PSMC3IP: variants seen among roughly 807,000 people sequenced by gnomAD.
PSMC3IP encodes the protein PSMC3 interacting protein.
In PSMC3IP, 26 loss-of-function variants were observed where a neutral mutation model predicts 34.9. The observed-to-expected ratio is 0.74, with a 90% CI of 0.55 to 1.03. The LOEUF is 1.03. PSMC3IP is among the 50% of genes least tolerant of loss of function. PSMC3IP has a pLI of 0.00. For synonymous variants in PSMC3IP, 87 were observed against 96.5 expected, an observed-to-expected ratio of 0.90 and a Z score of 0.57; for missense variants, 250 against 263.1, an observed-to-expected ratio of 0.95 and a Z score of 0.34.
At chr17:42,573,731 C>A in intron 4 of PSMC3IP, 108 bp from the exon 5 acceptor site, 1 of 1,536,190 alleles carries the variant, frequency 6.5e-7, no homozygotes, top group Non-Finnish European at 8.9e-7. Flanking sequence ...TCTATCATCT[C>A]ACATGGAAAC....
At position 42,574,165 on chromosome 17, in the gene PSMC3IP, C is replaced by A; in HGVS notation, c.271G>T (p.Gly91Cys). 1 of 1,614,162 alleles carries A rather than the reference C, an allele frequency of 6.2e-7. No homozygotes were observed. Among genetic ancestry groups the A allele is most frequent in the South Asian group, 1.1e-5 (1 of 91,074 alleles). The change falls in exon 4 of 8, where the codon GGC becomes TGC. Residue 91 changes from glycine to cysteine, a missense_variant. Transcript: ENST00000393795. ...TTAGCAGTGAGGGCCACGATTTTGC[C>A]ATCTAGGACTTGAAGGTCAGCATCA... ...VSDADLQVLDGKIVALTAKVQ... is the reference protein window; with the variant it reads ...VSDADLQVLDCKIVALTAKVQ...
In PSMC3IP at chr17:42,573,638, G is replaced by A. The variant is rs2292752; in HGVS notation, c.338-15C>T. ...TTCCTTGAGCTCTGAAACCACATCCGCCTGGGGTCACTTGCTACCCCTGAG... is the reference window on the plus strand; with the variant it reads ...TTCCTTGAGCTCTGAAACCACATCCACCTGGGGTCACTTGCTACCCCTGAG... On this transcript the variant is annotated splice_polypyrimidine_tract_variant and intron_variant, in intron 4 of 7. Coordinates refer to ENST00000393795, the MANE Select transcript of PSMC3IP (RefSeq NM_016556.4). 12 of 1,613,462 alleles carry A rather than the reference G, an allele frequency of 7.4e-6. No homozygotes were observed. Among genetic ancestry groups the A allele is most frequent in the South Asian group, 1.1e-5 (1 of 91,078 alleles).
Position 42,572,564 on chromosome 17 carries a change from GT to G in PSMC3IP, c.*403del, listed in dbSNP as rs760859792. On this transcript the variant is annotated 3_prime_UTR_variant, in exon 8 of 8. Transcript: ENST00000393795. ...GAAGCCGTGGGCCCTCCAAATGCTC[GT>G]TTTATAGCAACCTCTCTCTACCCTA... 1 of 453,290 alleles carries G rather than the reference GT, an allele frequency of 2.2e-6. No individual in the cohort carries two copies. The highest frequency in any genetic ancestry group is 6.9e-5 in the East Asian group (1 of 14,526). 28.1% of individuals were successfully genotyped at this position (453,290 alleles called of 1,614,324 possible).
chr17:42,576,890 GTT>G, intron 3 of PSMC3IP: 1 of 390,478 alleles, frequency 2.6e-6, no homozygotes, highest in South Asian at 2.1e-5. Context: ...TGATATGTGT[GTT>G]TAGAGAATCG....
intron 3 of PSMC3IP, among the ~76,000 whole-genome samples, chr17:42,574,615 T>C (rs2143306902): frequency 6.6e-6 from 1 of 152,264 alleles, no homozygotes; most frequent in Middle Eastern, 3.4e-3. Context: ...ATGGGATGGA[T>C]GGACTTCTTT....
intron 3 of PSMC3IP, among the ~76,000 whole-genome samples, chr17:42,576,346 G>A (rs2093075510): frequency 6.6e-6 from 1 of 152,166 alleles, no homozygotes; most frequent in Non-Finnish European, 1.5e-5. Context: ...AAATAGGGAA[G>A]GTGCATGACC....
At chr17:42,577,141 G>A (rs1429065569) in intron 3 of PSMC3IP, 72 bp downstream of exon 3, 1 of 1,608,804 alleles carries the variant, frequency 6.2e-7, no homozygotes, top group Admixed American at 1.7e-5. Flanking sequence ...TGTCCCCAAA[G>A]AGTTCACACC....
rs772710686 is a variant in PSMC3IP, at chr17:42,573,616, C to T, written c.345G>A (p.Lys115=). 1 of 1,614,150 alleles carries T rather than the reference C, an allele frequency of 6.2e-7. No homozygotes were observed. Among genetic ancestry groups the T allele is most frequent in the Admixed American group, 1.7e-5 (1 of 60,018 alleles). Residue 115 remains lysine (K), a synonymous_variant, in exon 5 of 8, where the codon AAG becomes AAA. Coordinates refer to ENST00000393795, the MANE Select transcript of PSMC3IP (RefSeq NM_016556.4). The part of the protein sequence containing the change: ...QSCRYMEAEL[K]ELSSALTTPE... ...GTGTGGTCAGGGCACTAGATAATTC[C>T]TTGAGCTCTGAAACCACATCCGCCT... is the stretch of plus-strand genomic sequence containing the variant.
intron 3 of PSMC3IP, among the ~76,000 whole-genome samples, chr17:42,576,426 C>CTGTT (rs1316998190): frequency 6.6e-6 from 1 of 152,148 alleles, no homozygotes; most frequent in Non-Finnish European, 1.5e-5. Context: ...GAGCCAAGAT[C>CTGTT]TGTTAGGAGG....
upstream of PSMC3IP, chr17:42,577,815 G>A (rs766947668): frequency 6.2e-6 from 7 of 1,120,654 alleles, no homozygotes; most frequent in Non-Finnish European, 9.4e-6. Flanking sequence ...GGAGCAAAGC[G>A]ACCCCTCCCG....
chr17:42,577,644 C>A lies in PSMC3IP; in HGVS notation c.34+9G>T. ...TCCCGGGTCTTCCCCGCGCCCACGGCGCCGTTACCTCCCGCCGCAGCTTCT... is the reference window on the plus strand; with the variant it reads ...TCCCGGGTCTTCCCCGCGCCCACGGAGCCGTTACCTCCCGCCGCAGCTTCT... On this transcript the variant is annotated intron_variant, in intron 1 of 7. Coordinates refer to ENST00000393795, the MANE Select transcript of PSMC3IP (RefSeq NM_016556.4). 1 of 1,614,160 alleles carries A rather than the reference C, an allele frequency of 6.2e-7. No individual in the cohort carries two copies. Among genetic ancestry groups the A allele is most frequent in the African/African-American group, 1.3e-5 (1 of 75,068 alleles).
At chr17:42,576,902 G>C (rs1034675966) in intron 3 of PSMC3IP, 4 of 408,272 alleles carry the variant, frequency 9.8e-6, no homozygotes, top group East Asian at 1.2e-4. Context: ...TTAGAGAATC[G>C]GATGGAGGCA....
In PSMC3IP at chr17:42,573,291, C is replaced by T. The variant is rs185571080; in HGVS notation, c.537+20G>A. 9 of 1,614,080 alleles carry T rather than the reference C, an allele frequency of 5.6e-6. No individual in the cohort carries two copies. Among genetic ancestry groups the T allele is most frequent in the African/African-American group, 4.0e-5 (3 of 75,046 alleles). On this transcript the variant is annotated intron_variant, in intron 6 of 7. Transcript: ENST00000393795. ...TCAAAGGCACCTCCAGGGCCTGTCT[C>T]GGAGCTCCCACACACTTACCATCCT... is the stretch of plus-strand genomic sequence containing the variant.
chr17:42,572,793 C>T lies in PSMC3IP; in HGVS notation c.*175G>A, dbSNP rs2093042506. On this transcript the variant is annotated 3_prime_UTR_variant, in exon 8 of 8. Coordinates refer to ENST00000393795, the MANE Select transcript of PSMC3IP (RefSeq NM_016556.4). ...ATGGGCTGGGTCTACCCCCAGCCAC[C>T]AGCCCTCATCCTCTCTACCCAGTGC... 1 of 770,184 alleles carries T rather than the reference C, an allele frequency of 1.3e-6. No homozygotes were observed. The highest frequency in any genetic ancestry group is 2.7e-5 in the East Asian group (1 of 37,412). The allele number at this position is 770,184 out of a possible 1,614,324, so 47.7% of individuals were successfully genotyped here. A position where few individuals can be genotyped will look rare whatever the true frequency, so the allele number is the denominator to read the frequency against.
At chr17:42,574,375 C>T (rs1401819719) in intron 3 of PSMC3IP, 165 bp from the exon 4 acceptor site, 1 of 1,461,722 alleles carries the variant, frequency 6.8e-7, no homozygotes, top group African/African-American at 1.4e-5. Flanking sequence ...AAATTGTTTT[C>T]AGTTAAGGAG....
chr17:42,577,171 G>T (rs2093080569), intron 3 of PSMC3IP, 42 bp downstream of exon 3: 2 of 1,613,720 alleles, frequency 1.2e-6, no homozygotes, highest in African/African-American at 2.7e-5. Flanking sequence ...TTCACCCGTT[G>T]TCGGGCTCTC....
chr17:42,573,456 G>A lies in PSMC3IP; in HGVS notation c.483+22C>T, dbSNP rs766262623. 15 of 1,614,074 alleles carry A rather than the reference G, an allele frequency of 9.3e-6. No individual in the cohort carries two copies. The Admixed American group carries it at 2.5e-4, about 27-fold the overall frequency. On this transcript the variant is annotated intron_variant, in intron 5 of 7. Transcript: ENST00000393795. ...ATGTTCACTCTGGACCTGCACAGCG[G>A]TCCTACAGCCTTCCAGCTCACCTGC...
chr17:42,574,326 C>T, intron 3 of PSMC3IP, 116 bp from the exon 4 acceptor site: 1 of 1,534,422 alleles, frequency 6.5e-7, no homozygotes, highest in Non-Finnish European at 8.8e-7. Flanking sequence ...CCCAAAGTCT[C>T]CAGAGGGTCT....
chr17:42,575,696 A>G (rs944365984), intron 3 of PSMC3IP, among the ~76,000 whole-genome samples: 1 of 152,098 alleles, frequency 6.6e-6, no homozygotes, highest in Non-Finnish European at 1.5e-5. Context: ...AAAAATTGTA[A>G]TACAGCATGC....
Sources: gnomAD v4.1 joint callset for allele counts (sites outside exome capture counted in the v4.1 genomes callset) on GRCh38, gnomAD v4.1.1 for gene constraint, MANE v1.5 for transcripts, NCBI Gene and HGNC (gene_info 2026-07-23, HGNC 2026-07-21) for gene names.